Variants in TXNRD2 observed in about 807,000 individuals in gnomAD.
TXNRD2 encodes the protein thioredoxin reductase 2, mitochondrial.
A neutral mutation model predicts 70.8 loss-of-function variants in TXNRD2; 67 were observed. The observed-to-expected ratio is 0.95, with a 90% CI of 0.78 to 1.16. The LOEUF (loss-of-function observed/expected upper bound fraction) is 1.16. Ranked by LOEUF, TXNRD2 falls within the 50% of genes most tolerant of loss-of-function variation. TXNRD2 has a pLI of 0.00. For missense variants in TXNRD2, 644 were observed against 719.9 expected (o/e 0.89, Z 1.21); for synonymous variants, 301 against 295.8 (o/e 1.02, Z -0.18).
chr22:19,905,261 T>G (rs545656203), intron 8 of TXNRD2, among the ~76,000 whole-genome samples: 1 of 152,326 alleles, frequency 6.6e-6, no homozygotes, highest in African/African-American at 2.4e-5. Context: ...ACTGATACAT[T>G]GCAAACACTT....
intron 8 of TXNRD2, among the ~76,000 whole-genome samples, chr22:19,908,999 G>A (rs1940194989): frequency 6.6e-6 from 1 of 152,128 alleles, no homozygotes; most frequent in Non-Finnish European, 1.5e-5. Context: ...GAGGTCAGGA[G>A]TTTGAGACCA....
At chr22:19,941,524 C>G in intron 1 of TXNRD2, 177 bp downstream of exon 1, 1 of 1,146,408 alleles carries the variant, frequency 8.7e-7, no homozygotes, top group Non-Finnish European at 1.1e-6. Flanking sequence ...AAGGGGGCTA[C>G]TTGTGGCTAG....
intron 1 of TXNRD2, chr22:19,932,280 C>T: frequency 6.2e-7 from 1 of 1,611,278 alleles, no homozygotes; most frequent in Non-Finnish European, 8.5e-7. Flanking sequence ...GGAAGCCACC[C>T]TGGGCACAGG....
Position 19,914,380 on chromosome 22 carries a change from G to A in TXNRD2, c.591+834C>T, listed in dbSNP as rs913741760. 1.2e-4 allele frequency among the ~76,000 whole-genome samples: 18 copies of A among 152,334 alleles called. 1 individual carries two copies. In the South Asian group the frequency reaches 2.9e-3, roughly 25 times the overall value. ...ATCCAAGCAAGTAGATAAACAAAGT[G>A]TGGTCTATCCATACAATGGAATAGT... On this transcript the variant is annotated intron_variant, in intron 7 of 17. Transcript: ENST00000400521.
chr22:19,918,760 G>A, intron 4 of TXNRD2, 100 bp downstream of exon 4: 1 of 1,459,612 alleles, frequency 6.9e-7, no homozygotes, highest in Non-Finnish European at 9.5e-7. Context: ...CCATCCTACG[G>A]CCCACTCCCC....
chr22:19,911,112 G>T, intron 8 of TXNRD2: 2 of 516,938 alleles, frequency 3.9e-6, no homozygotes, highest in Non-Finnish European at 7.0e-6. Flanking sequence ...ACAGATTTTT[G>T]TAGAGTAGAG....
At chr22:19,912,342 G>A (rs892170727) in intron 7 of TXNRD2, among the ~76,000 whole-genome samples, 3 of 152,254 alleles carry the variant, frequency 2.0e-5, no homozygotes, top group South Asian at 2.1e-4. Flanking sequence ...AGCCTTGGCA[G>A]ACACCCTGGG....
At chr22:19,879,634 G>A (rs1431928016) in intron 14 of TXNRD2, among the ~76,000 whole-genome samples, 1 of 151,570 alleles carries the variant, frequency 6.6e-6, no homozygotes, top group Non-Finnish European at 1.5e-5. Flanking sequence ...GGGTGGGGGT[G>A]GAAGCAGAGG....
intron 14 of TXNRD2, among the ~76,000 whole-genome samples, chr22:19,879,753 T>C (rs34175429): frequency 0.27 from 41,065 of 151,878 alleles, 8,251 homozygotes; most frequent in African/African-American, 0.56. Flanking sequence ...AGGGACAAGC[T>C]GCTGTGTGCT....
At chr22:19,903,145 T>C (rs890308434) in intron 8 of TXNRD2, 2 of 449,124 alleles carry the variant, frequency 4.5e-6, no homozygotes, top group Non-Finnish European at 8.8e-6. Context: ...GTGTGTGGGC[T>C]GGTCAGCCCC....
intron 9 of TXNRD2, among the ~76,000 whole-genome samples, chr22:19,898,551 G>A (rs530048119): frequency 8.6e-6 from 1 of 115,872 alleles, no homozygotes; most frequent in Non-Finnish European, 1.6e-5. Context: ...GTCTCATTCT[G>A]TTGCCTAGGC....
chr22:19,927,378 G>A (rs1257581507), intron 2 of TXNRD2, among the ~76,000 whole-genome samples: 1 of 152,132 alleles, frequency 6.6e-6, no homozygotes, highest in African/African-American at 2.4e-5. Flanking sequence ...TACTCCACTG[G>A]ACATGGTGGC....
intron 8 of TXNRD2, among the ~76,000 whole-genome samples, chr22:19,908,582 G>C (rs1241397529): frequency 6.6e-6 from 1 of 152,224 alleles, no homozygotes; most frequent in Non-Finnish European, 1.5e-5. Context: ...GTTGGGAACA[G>C]GATGGAGGTT....
chr22:19,896,302 CAAAAAAAAAGAAA>C (rs984854650), intron 10 of TXNRD2, among the ~76,000 whole-genome samples: 2 of 143,890 alleles, frequency 1.4e-5, no homozygotes, highest in African/African-American at 2.7e-5. Flanking sequence ...TGTCTCAAAC[CAAAAAAAAAGAAA>C]GAAAAAAAAG....
At chr22:19,887,544 G>C (rs1939085351) in intron 11 of TXNRD2, 1 of 152,230 alleles carries the variant, frequency 6.6e-6, no homozygotes, top group African/African-American at 2.4e-5. Context: ...TAGCAAGAGG[G>C]CCCAGCTGGA....
rs1038305020 is a variant in TXNRD2 at position 19,895,656 on chromosome 22, G to A, written c.775-75C>T. 86 of 1,559,536 alleles carry A rather than the reference G, an allele frequency of 5.5e-5. 1 individual carries two copies. The highest frequency in any genetic ancestry group is 5.0e-4 in the South Asian group (45 of 89,138). Reference sequence around the variant, plus strand: ...GAGGCTCTGGCCCTGCCCTGCTCTCGAAGGCCTCAATGAAGGGCGGAGAGG... The same window carrying A: ...GAGGCTCTGGCCCTGCCCTGCTCTCAAAGGCCTCAATGAAGGGCGGAGAGG... On this transcript the variant is annotated intron_variant, in intron 10 of 17. Coordinates refer to ENST00000400521, the MANE Select transcript of TXNRD2 (RefSeq NM_006440.5).
intron 2 of TXNRD2, among the ~76,000 whole-genome samples, chr22:19,921,047 C>T (rs977525341): frequency 3.2e-4 from 44 of 138,508 alleles, no homozygotes; most frequent in African/African-American, 1.0e-3. Flanking sequence ...GCGGAGCTTG[C>T]AGTGAGCCGA....
chr22:19,877,095 G>GATCTC lies in TXNRD2; in HGVS notation c.*9_*10insGAGAT. 6.3e-7 allele frequency: 1 copy of GATCTC among 1,592,716 alleles called. No individual in the cohort carries two copies. The highest frequency in any genetic ancestry group is 8.6e-7 in the Non-Finnish European group (1 of 1,163,926). On this transcript the variant is annotated 3_prime_UTR_variant, in exon 17 of 18. Transcript: ENST00000400521. ...GGCGCACCGTGTGCCCTGGCCTGCA[G>GATCTC]GGATGGCGCTTACCCTCAGCAGCCT...
chr22:19,915,417 G>A, intron 6 of TXNRD2, 141 bp from the exon 7 acceptor site: 1 of 846,506 alleles, frequency 1.2e-6, no homozygotes, highest in Non-Finnish European at 2.0e-6. Context: ...CAGTTCAGAG[G>A]CCCTATGGAG....
Sources: gnomAD v4.1 joint callset for allele counts (sites outside exome capture counted in the v4.1 genomes callset) on GRCh38, gnomAD v4.1.1 for gene constraint, MANE v1.5 for transcripts, NCBI Gene and HGNC (gene_info 2026-07-23, HGNC 2026-07-21) for gene names.